The following CARTPT variants were observed in gnomAD, a reference collection of about 807,000 sequenced individuals.
CARTPT encodes the protein cocaine- and amphetamine-regulated transcript protein.
Under a neutral mutation model 12.2 loss-of-function variants are expected in CARTPT, and 6 were observed. The observed-to-expected ratio is 0.49, with a 90% confidence interval of 0.27 to 0.97. The LOEUF is 0.97. CARTPT is among the 50% of genes least tolerant of loss of function. The pLI is 0.12. For missense variants in CARTPT, 135 were observed against 142.0 expected (o/e 0.95, Z 0.25); for synonymous variants, 75 against 64.1 (o/e 1.17, Z -0.82).
chr5:71,720,446 G>T, intron 2 of CARTPT, 62 bp from the exon 3 acceptor site: 3 of 1,456,710 alleles, frequency 2.1e-6, no homozygotes, highest in Non-Finnish European at 2.8e-6. Context: ...TTGACTGTGA[G>T]ACTTGCCTGT....
intron 1 of CARTPT, 124 bp from the exon 2 acceptor site, chr5:71,719,756 C>G (rs1294273978): frequency 1.1e-6 from 1 of 914,166 alleles, no homozygotes; most frequent in African/African-American, 1.6e-5. Context: ...TCCCTGTGTC[C>G]GCGGAGTCCC....
chr5:71,720,819 C>T lies in CARTPT; in HGVS notation c.*204C>T. On this transcript the variant is annotated 3_prime_UTR_variant, in exon 3 of 3. Coordinates refer to ENST00000296777, the MANE Select transcript of CARTPT (RefSeq NM_004291.4). The stretch of plus-strand genomic sequence containing the variant: ...AATAATGCCTTGTATGGTGTTGATA[C>T]GTGTGTGAAGTATTCTTATTTTATT... The T allele has an allele frequency of 3.4e-6, 2 of 580,548 alleles. No individual in the cohort carries two copies. The highest frequency in any genetic ancestry group is 2.0e-5 in the South Asian group (1 of 50,418). The allele number at this position is 580,548 out of a possible 1,614,324, so 36.0% of individuals were successfully genotyped here.
Position 71,720,821 on chromosome 5 carries a change from TG to T in CARTPT, c.*207del. ...TAATGCCTTGTATGGTGTTGATACG[TG>T]TGTGAAGTATTCTTATTTTATTTGT... is the stretch of plus-strand genomic sequence containing the variant. On this transcript the variant is annotated 3_prime_UTR_variant, in exon 3 of 3. Transcript: ENST00000296777. 3.5e-6 allele frequency: 2 copies of T among 572,498 alleles called. No homozygotes were observed. The highest frequency in any genetic ancestry group is 6.3e-6 in the Non-Finnish European group (2 of 319,460). The allele number at this position is 572,498 out of a possible 1,614,324, so 35.5% of individuals were successfully genotyped here.
rs944721518 is a variant in CARTPT at position 71,719,923 on chromosome 5, G to A, written c.203G>A (p.Arg68His). The change falls in exon 2 of 3, where the codon CGT becomes CAT. Residue 68 changes from arginine (R) to histidine (H), a missense_variant. Coordinates refer to ENST00000296777, the MANE Select transcript of CARTPT (RefSeq NM_004291.4). ...GTCTTGAAGAAGCTCAAGAGTAAAC[G>A]TGTTCCCATCTATGAGAAGAAGTAT... ...QEVLKKLKSK[R>H]VPIYEKKYGQ... is the part of the protein sequence containing the mutation. 3.1e-6 allele frequency: 5 copies of A among 1,614,178 alleles called. No individual in the cohort carries two copies. In the Admixed American group the frequency reaches 5.0e-5, roughly 16 times the overall value.
At chr5:71,719,512 G>A in intron 1 of CARTPT, 60 bp downstream of exon 1, 2 of 1,587,742 alleles carry the variant, frequency 1.3e-6, no homozygotes. Flanking sequence ...TCTCTTGCAC[G>A]CCTCCCTCCT....
chr5:71,719,807 G>T (rs1214769197), intron 1 of CARTPT, 73 bp from the exon 2 acceptor site: 11 of 1,404,818 alleles, frequency 7.8e-6, no homozygotes, highest in Middle Eastern at 1.8e-4. Context: ...TTATAACTAG[G>T]GCTGGAAGTG....
chr5:71,720,571 C>T lies in CARTPT; in HGVS notation c.307C>T (p.Pro103Ser). The T allele has an allele frequency of 1.2e-6, 2 of 1,612,656 alleles. No homozygotes were observed. Among genetic ancestry groups the T allele is most frequent in the Admixed American group, 1.7e-5 (1 of 59,860 alleles). Residue 103 changes from proline (P) to serine (S), a missense_variant, in exon 3 of 3, where the codon CCC (proline) becomes TCC (serine). Coordinates refer to ENST00000296777, the MANE Select transcript of CARTPT (RefSeq NM_004291.4). ...AAGGATCGGGAAGCTGTGTGACTGT[C>T]CCCGAGGAACCTCCTGCAATTCCTT... is the stretch of plus-strand genomic sequence containing the variant. ...GARIGKLCDCPRGTSCNSFLL... is the reference protein window; with the variant it reads ...GARIGKLCDCSRGTSCNSFLL...
chr5:71,719,486 C>G, intron 1 of CARTPT, 34 bp downstream of exon 1: 1 of 1,613,222 alleles, frequency 6.2e-7, no homozygotes, highest in East Asian at 2.2e-5. Context: ...CCCCCTTGAG[C>G]TGTCGCCTTG....
intron 1 of CARTPT, 45 bp from the exon 2 acceptor site, chr5:71,719,835 C>T: frequency 2.5e-6 from 4 of 1,591,146 alleles, no homozygotes; most frequent in South Asian, 2.2e-5. Context: ...GGGCTGGGCT[C>T]GCAGCCAAGG....
chr5:71,719,775 G>T lies in CARTPT; in HGVS notation c.160-105G>T. The T allele has an allele frequency of 4.8e-6, 5 of 1,036,064 alleles. No homozygotes were observed. The South Asian group carries it at 6.4e-5, about 13-fold the overall frequency. 64.2% of individuals were successfully genotyped at this position (1,036,064 alleles called of 1,614,324 possible). On this transcript the variant is annotated intron_variant, in intron 1 of 2. Coordinates refer to ENST00000296777, the MANE Select transcript of CARTPT (RefSeq NM_004291.4). ...TGTGTCCGCGGAGTCCCACCGCAGA[G>T]TGCGTGTGGGTCCGGGGCTCCTTAT...
At chr5:71,720,463 C>T (rs1340983945) in intron 2 of CARTPT, 45 bp from the exon 3 acceptor site, 1 of 1,549,412 alleles carries the variant, frequency 6.5e-7, no homozygotes, top group African/African-American at 1.4e-5. Context: ...CTGTTGGGAA[C>T]CTGGGTTTGT....
At chr5:71,720,425 C>A in intron 2 of CARTPT, 83 bp from the exon 3 acceptor site, 1 of 1,238,072 alleles carries the variant, frequency 8.1e-7, no homozygotes, top group African/African-American at 1.5e-5. Flanking sequence ...TTTCAAGAGA[C>A]AGAAATTGCG....
chr5:71,720,032 C>A, intron 2 of CARTPT, 69 bp downstream of exon 2: 1 of 1,325,256 alleles, frequency 7.5e-7, no homozygotes, highest in Non-Finnish European at 1.1e-6. Context: ...ATCGTACACA[C>A]AGTCTTCTCC....
In CARTPT at chr5:71,720,501, G is replaced by T. The variant is rs1044317503; in HGVS notation, c.244-7G>T. The T allele has an allele frequency of 4.4e-6, 7 of 1,608,990 alleles. No homozygotes were observed. Among genetic ancestry groups the T allele is most frequent in the South Asian group, 1.1e-5 (1 of 89,710 alleles). ...ATACTCGATGACCACACATTTTGTTGTTTCAGTGTGACGCCGGTGAGCAGT... is the reference window on the plus strand; with the variant it reads ...ATACTCGATGACCACACATTTTGTTTTTTCAGTGTGACGCCGGTGAGCAGT... On this transcript the variant is annotated splice_region_variant and splice_polypyrimidine_tract_variant and intron_variant, in intron 2 of 2. Transcript: ENST00000296777.
chr5:71,719,688 CAG>C, intron 1 of CARTPT, 190 bp from the exon 2 acceptor site: 1 of 750,644 alleles, frequency 1.3e-6, no homozygotes, highest in South Asian at 1.6e-5. Flanking sequence ...CCCAGCGGCT[CAG>C]AGACCCGCGG....
At position 71,719,353 on chromosome 5, in the gene CARTPT, A is replaced by T; in HGVS notation, c.60A>T (p.Leu20=). ...PLLGAALLLM[L]PLLGTRAQED... is the part of the protein sequence containing the mutation. ...TGGGCGCCGCCCTGCTGCTGATGCT[A>T]CCTCTGTTGGGTACCCGTGCCCAGG... Residue 20 remains leucine (L), a synonymous_variant, in exon 1 of 3, where the codon CTA becomes CTT. Coordinates refer to ENST00000296777, the MANE Select transcript of CARTPT (RefSeq NM_004291.4). The T allele has an allele frequency of 6.2e-7, 1 of 1,613,744 alleles. No homozygotes were observed. Among genetic ancestry groups the T allele is most frequent in the Non-Finnish European group, 8.5e-7 (1 of 1,179,966 alleles).
chr5:71,719,740 G>T, intron 1 of CARTPT, 140 bp from the exon 2 acceptor site: 1 of 864,926 alleles, frequency 1.2e-6, no homozygotes, highest in East Asian at 2.5e-5. Flanking sequence ...TCCACCCCTC[G>T]ACCATTCCCT....
chr5:71,719,916 A>G lies in CARTPT; in HGVS notation c.196A>G (p.Ser66Gly). 2 of 1,614,228 alleles carry G rather than the reference A, an allele frequency of 1.2e-6. No homozygotes were observed. Among genetic ancestry groups the G allele is most frequent in the East Asian group, 2.2e-5 (1 of 44,878 alleles). Residue 66 changes from serine to glycine, a missense_variant, in exon 2 of 3, where the codon AGT becomes GGT. Ser to Gly is a moderately conservative substitution (Grantham distance 56). Coordinates refer to ENST00000296777, the MANE Select transcript of CARTPT (RefSeq NM_004291.4). The part of the protein sequence containing the change: ...ALQEVLKKLK[S>G]KRVPIYEKKY... ...GCAAGAAGTCTTGAAGAAGCTCAAGAGTAAACGTGTTCCCATCTATGAGAA... is the reference window on the plus strand; with the variant it reads ...GCAAGAAGTCTTGAAGAAGCTCAAGGGTAAACGTGTTCCCATCTATGAGAA...
intron 1 of CARTPT, chr5:71,719,672 A>AG: frequency 1.3e-6 from 1 of 750,598 alleles, no homozygotes; most frequent in South Asian, 1.6e-5. Flanking sequence ...TCTGAGCAAC[A>AG]GGGACCCCAG....
Sources: gnomAD v4.1 joint callset for allele counts on GRCh38, gnomAD v4.1.1 for gene constraint, MANE v1.5 for transcripts, NCBI Gene and HGNC (gene_info 2026-07-23, HGNC 2026-07-21) for gene names.